Variants in GAD1 observed in about 807,000 individuals in gnomAD.
The protein encoded by GAD1 is glutamate decarboxylase 1.
A neutral mutation model predicts 75.2 loss-of-function variants in GAD1; 35 were observed. That is an observed-to-expected ratio of 0.47 (90% confidence interval 0.36 to 0.62). GAD1 has a LOEUF of 0.62. Among genes scored for constraint, GAD1 ranks in the 20% least tolerant of loss-of-function variants. The pLI is 0.00. For missense variants in GAD1, 490 were observed against 758.5 expected (o/e 0.65, Z 4.16); for synonymous variants, 257 against 271.9 (o/e 0.95, Z 0.54).
At chr2:170,813,447 C>A (rs1394129950), upstream of GAD1, 1 of 151,518 alleles carries the variant, frequency 6.6e-6, no homozygotes, top group Admixed American at 6.6e-5. Flanking sequence ...TTTTTTTTTC[C>A]TTTCTGGTCA....
intron 11 of GAD1, among the ~76,000 whole-genome samples, chr2:170,848,031 G>C (rs916990642): frequency 3.9e-5 from 6 of 152,166 alleles, no homozygotes; most frequent in African/African-American, 1.4e-4. Flanking sequence ...GTTCATCCTA[G>C]AATATGGTCT....
intron 6 of GAD1, among the ~76,000 whole-genome samples, chr2:170,841,961 G>T (rs1702527578): frequency 6.6e-6 from 1 of 152,192 alleles, no homozygotes; most frequent in Non-Finnish European, 1.5e-5. Flanking sequence ...ACCTGGCAGA[G>T]AATAGCCACT....
rs112426614 is a variant in GAD1 at position 170,818,251 on chromosome 2, G to T, written c.-63-278G>T. 7.8e-5 allele frequency: 14 copies of T among 180,274 alleles called. No homozygotes were observed. The highest frequency in any genetic ancestry group is 1.5e-4 in the Non-Finnish European group (14 of 94,318). The allele number at this position is 180,274 out of a possible 1,614,324, so 11.2% of individuals were successfully genotyped here. A position where few individuals can be genotyped will look rare whatever the true frequency, so the allele number is the denominator to read the frequency against. ...CCCACCCCGACCCCGACCCCGCCTC[G>T]TCTCGGCGCTTCACTCCAGGTCGCG... On this transcript the variant is annotated intron_variant, in intron 1 of 16. Coordinates refer to ENST00000358196, the MANE Select transcript of GAD1 (RefSeq NM_000817.3). The surrounding 1 kb of genome is among the most constrained non-coding windows in gnomAD (Gnocchi z 5.9).
intron 16 of GAD1, 37 bp from the exon 17 acceptor site, chr2:170,859,672 T>A (rs1702919839): frequency 6.2e-7 from 1 of 1,608,646 alleles, no homozygotes; most frequent in Non-Finnish European, 8.5e-7. Context: ...GGTGTTCATA[T>A]CAATCTTGAG....
chr2:170,818,545 A>G lies in GAD1; in HGVS notation c.-47A>G. 6.5e-7 allele frequency: 1 copy of G among 1,546,414 alleles called. No individual in the cohort carries two copies. Among genetic ancestry groups the G allele is most frequent in the Non-Finnish European group, 8.9e-7 (1 of 1,118,342 alleles). On this transcript the variant is annotated 5_prime_UTR_variant, in exon 2 of 17. Transcript: ENST00000358196. The surrounding 1 kb of genome is among the most constrained non-coding windows in gnomAD (Gnocchi z 5.9). ...TCTTTGCAGCCTGTTTCTGCGCCGG[A>G]CCAGTCGAGGACTCTGGACAGTAGA... is the stretch of plus-strand genomic sequence containing the variant.
At chr2:170,823,242 C>T (rs1701939110) in intron 3 of GAD1, among the ~76,000 whole-genome samples, 1 of 152,236 alleles carries the variant, frequency 6.6e-6, no homozygotes, top group South Asian at 2.1e-4. Flanking sequence ...CGCCCGCCCG[C>T]CCTAGCCCCG....
Position 170,816,924 on chromosome 2 carries a change from G to C in GAD1, c.-188G>C, listed in dbSNP as rs1044865240. ...CGCTCGCGTGCGAGAGGGAACTAGCGAGAACGAGGAAGCAGCTGGAGGTGA... is the reference window on the plus strand; with the variant it reads ...CGCTCGCGTGCGAGAGGGAACTAGCCAGAACGAGGAAGCAGCTGGAGGTGA... On this transcript the variant is annotated 5_prime_UTR_variant, in exon 1 of 17. Transcript: ENST00000358196. 5.5e-6 allele frequency: 1 copy of C among 181,442 alleles called. No homozygotes were observed. The highest frequency in any genetic ancestry group is 1.2e-5 in the Non-Finnish European group (1 of 86,580). 11.2% of individuals were successfully genotyped at this position (181,442 alleles called of 1,614,324 possible). A position where few individuals can be genotyped will look rare whatever the true frequency, so the allele number is the denominator to read the frequency against.
chr2:170,851,315 A>G (rs1055378020), intron 12 of GAD1, among the ~76,000 whole-genome samples: 4 of 152,248 alleles, frequency 2.6e-5, no homozygotes, highest in African/African-American at 9.6e-5. Flanking sequence ...GACTTGGTAA[A>G]TGATAGCAAT....
At chr2:170,832,689 C>CACACACACACAT (rs1553576665) in intron 5 of GAD1, among the ~76,000 whole-genome samples, 1 of 144,430 alleles carries the variant, frequency 6.9e-6, no homozygotes, top group Non-Finnish European at 1.5e-5. Flanking sequence ...CACACACACA[C>CACACACACACAT]ACACACATAC....
Position 170,860,044 on chromosome 2 carries a change from TTA to T in GAD1, c.*163_*164del. The T allele has an allele frequency of 1.4e-6, 1 of 737,734 alleles. No individual in the cohort carries two copies. Among genetic ancestry groups the T allele is most frequent in the South Asian group, 1.7e-5 (1 of 58,604 alleles). The allele number at this position is 737,734 out of a possible 1,614,324, so 45.7% of individuals were successfully genotyped here. On this transcript the variant is annotated 3_prime_UTR_variant, in exon 17 of 17. Transcript: ENST00000358196. ...CTTACTTAAAGCTTGTTTGTTCTAG[TTA>T]GCAGGAAATAGTGTTCTTTTTAAAA...
chr2:170,817,492 G>C (rs1277027926), intron 1 of GAD1: 1 of 152,408 alleles, frequency 6.6e-6, no homozygotes, highest in African/African-American at 2.4e-5. Context: ...GCGGGGCTAG[G>C]AGTGAGGTCG....
At chr2:170,817,978 C>G (rs1701755453) in intron 1 of GAD1, 1 of 154,460 alleles carries the variant, frequency 6.5e-6, no homozygotes, top group Non-Finnish European at 1.4e-5. Flanking sequence ...CCTTGTCTCA[C>G]CAAAGTCCCT....
At chr2:170,835,374 C>T (rs944800125) in intron 5 of GAD1, among the ~76,000 whole-genome samples, 9 of 152,120 alleles carry the variant, frequency 5.9e-5, no homozygotes, top group Non-Finnish European at 1.0e-4. Flanking sequence ...TTTCCTTCTC[C>T]CCCTACCTGA....
chr2:170,855,953 C>T (rs1049434717), intron 14 of GAD1, among the ~76,000 whole-genome samples: 6 of 150,600 alleles, frequency 4.0e-5, no homozygotes, highest in African/African-American at 1.5e-4. Flanking sequence ...AATGACCACA[C>T]AACCTGTTTC....
intron 11 of GAD1, chr2:170,848,871 G>T (rs1434779842): frequency 2.0e-6 from 1 of 496,358 alleles, no homozygotes; most frequent in Admixed American, 2.1e-5. Context: ...TGCTTTTTGA[G>T]TTTTTCAGGA....
intron 2 of GAD1, among the ~76,000 whole-genome samples, chr2:170,819,626 G>C (rs1701810296): frequency 6.6e-6 from 1 of 152,090 alleles, no homozygotes; most frequent in Admixed American, 6.5e-5. Context: ...GAGTGAAGAA[G>C]TGTCTCCTGA....
At chr2:170,847,323 T>G (rs1469625271) in intron 10 of GAD1, among the ~76,000 whole-genome samples, 1 of 152,214 alleles carries the variant, frequency 6.6e-6, no homozygotes, top group Non-Finnish European at 1.5e-5. Flanking sequence ...TAGAAATTAT[T>G]GCTATTAAAC....
At chr2:170,813,755 GA>G (rs1254659448), upstream of GAD1, among the ~76,000 whole-genome samples, 10 of 152,232 alleles carry the variant, frequency 6.6e-5, no homozygotes, top group Non-Finnish European at 1.5e-4. Context: ...CCACGACGGG[GA>G]AAGGAATAAA....
chr2:170,844,296 C>A, intron 7 of GAD1, 139 bp downstream of exon 7: 4 of 619,932 alleles, frequency 6.5e-6, no homozygotes, highest in African/African-American at 1.9e-5. Context: ...TGAAGGCTAA[C>A]AAAAATGCTA....
Sources: gnomAD v4.1 joint callset for allele counts (sites outside exome capture counted in the v4.1 genomes callset) on GRCh38, gnomAD v4.1.1 for gene constraint, Gnocchi (gnomAD v3.1) non-coding constraint, MANE v1.5 for transcripts, NCBI Gene and HGNC (gene_info 2026-07-23, HGNC 2026-07-21) for gene names.